RNF14: variants seen among roughly 807,000 people sequenced by gnomAD.
RNF14 encodes the protein ring finger protein 14.
A neutral mutation model predicts 52.6 loss-of-function variants in RNF14; 26 were observed. The observed-to-expected ratio is 0.49, with a 90% CI of 0.36 to 0.69. The LOEUF is 0.69. RNF14 is among the 30% of genes least tolerant of loss of function. The pLI is 0.00. For missense variants in RNF14, 404 were observed against 560.4 expected, an observed-to-expected ratio of 0.72 and a Z score of 2.82; for synonymous variants, 194 against 202.0, an observed-to-expected ratio of 0.96 and a Z score of 0.34.
At chr5:141,955,131 A>C (rs1422617924), upstream of RNF14, 3 of 1,614,200 alleles carry the variant, frequency 1.9e-6, no homozygotes, top group Non-Finnish European at 2.5e-6. This position sits in a 1 kb window ranked among gnomAD's most constrained non-coding sequence, Gnocchi z 5.5. Context: ...TCAGGGTTGC[A>C]GAGGAGGCTG....
chr5:141,968,315 C>G (rs1262312794), upstream of RNF14, among the ~76,000 whole-genome samples: 1 of 152,148 alleles, frequency 6.6e-6, no homozygotes, highest in Non-Finnish European at 1.5e-5. Context: ...CCATGTTGGT[C>G]AGGCTGGTCT....
chr5:141,950,739 C>CGA, the RNF14 span, among the ~76,000 whole-genome samples: 1 of 152,312 alleles, frequency 6.6e-6, no homozygotes, highest in African/African-American at 2.4e-5. Flanking sequence ...GTCAGGAACT[C>CGA]TGAGAGCTGG....
At chr5:141,949,724 T>A in the RNF14 span, 1 of 876,962 alleles carries the variant, frequency 1.1e-6, no homozygotes, top group Non-Finnish European at 1.7e-6. Flanking sequence ...CCAACCTGGA[T>A]CATGTGATTC....
At chr5:141,966,174 A>C (rs1038685091), upstream of RNF14, among the ~76,000 whole-genome samples, 1 of 152,012 alleles carries the variant, frequency 6.6e-6, no homozygotes. Context: ...CCAGCTACTC[A>C]GGAGGCTGAG....
At chr5:141,972,039 T>C (rs966771995) in intron 2 of RNF14, among the ~76,000 whole-genome samples, 1 of 152,204 alleles carries the variant, frequency 6.6e-6, no homozygotes, top group African/African-American at 2.4e-5. Flanking sequence ...TAATGGTGAA[T>C]CTTTAAATTG....
upstream of RNF14, chr5:141,957,571 C>T (rs749737523): frequency 1.5e-5 from 24 of 1,614,084 alleles, no homozygotes; most frequent in South Asian, 2.2e-5. This position sits in a 1 kb window ranked among gnomAD's most constrained non-coding sequence, Gnocchi z 4.3. Context: ...CAGCTGCTCT[C>T]GATCCAGCCG....
chr5:141,959,437 C>T (rs1006685815), intron 1 of RNF14, among the ~76,000 whole-genome samples: 6 of 152,192 alleles, frequency 3.9e-5, no homozygotes, highest in African/African-American at 1.4e-4. Flanking sequence ...CTTCAGTTTG[C>T]TGCCCCCAAC....
chr5:141,978,541 T>C lies in RNF14; in HGVS notation c.545T>C (p.Ile182Thr). 1 of 1,614,108 alleles carries C rather than the reference T, an allele frequency of 6.2e-7. No individual in the cohort carries two copies. Among genetic ancestry groups the C allele is most frequent in the Non-Finnish European group, 8.5e-7 (1 of 1,180,014 alleles). Residue 182 changes from isoleucine to threonine, a missense_variant, in exon 5 of 9, where the codon ATT becomes ACT. Coordinates refer to ENST00000394520, the MANE Select transcript of RNF14 (RefSeq NM_004290.5). ...GGATCTGATGTAGACCAAGAGGAAA[T>C]TGTGGATGAGAGAGCAGTGCAGGAT... ...AAGSDVDQEEIVDERAVQDVE... is the reference protein window; with the variant it reads ...AAGSDVDQEETVDERAVQDVE...
chr5:141,978,363 C>T lies in RNF14; in HGVS notation c.367C>T (p.Leu123=), dbSNP rs1298194723. Residue 123 remains leucine, a synonymous_variant, in exon 5 of 9, where the codon CTG becomes TTG. Transcript: ENST00000394520. ...LWEEHRGSVV[L]FAWMQFLKEE... The stretch of plus-strand genomic sequence containing the variant: ...GGAAGAACACCGTGGCAGCGTGGTC[C>T]TGTTTGCCTGGATGCAATTTCTTAA... 1.6e-5 allele frequency: 26 copies of T among 1,613,888 alleles called. No individual in the cohort carries two copies. The highest frequency in any genetic ancestry group is 1.6e-4 in the Middle Eastern group (1 of 6,084).
chr5:141,955,289 G>C (rs1048025807), upstream of RNF14: 1 of 1,614,212 alleles, frequency 6.2e-7, no homozygotes, highest in African/African-American at 1.3e-5. The surrounding 1 kb of genome is among the most constrained non-coding windows in gnomAD (Gnocchi z 5.5). Flanking sequence ...GCATTCCTCT[G>C]CCTGGGATGG....
chr5:141,965,406 C>T (rs1211421722), upstream of RNF14, among the ~76,000 whole-genome samples: 1 of 152,208 alleles, frequency 6.6e-6, no homozygotes, highest in Non-Finnish European at 1.5e-5. Flanking sequence ...TAGGCTCCGT[C>T]ATCATCCGGT....
At chr5:141,956,569 A>C, upstream of RNF14, 1 of 1,614,160 alleles carries the variant, frequency 6.2e-7, no homozygotes, top group Non-Finnish European at 8.5e-7. Context: ...TAACAGAGTG[A>C]GGGTATATTT....
chr5:141,955,964 C>T, upstream of RNF14: 6 of 1,614,122 alleles, frequency 3.7e-6, no homozygotes, highest in Non-Finnish European at 5.1e-6. The surrounding 1 kb of genome is among the most constrained non-coding windows in gnomAD (Gnocchi z 5.5). Flanking sequence ...TCTCCATTTG[C>T]CCCCGAGTCT....
At chr5:141,955,866 A>T (rs769557227), upstream of RNF14, 1 of 1,614,000 alleles carries the variant, frequency 6.2e-7, no homozygotes, top group Non-Finnish European at 8.5e-7. The surrounding 1 kb of genome is among the most constrained non-coding windows in gnomAD (Gnocchi z 5.5). Flanking sequence ...GGCTGCTGGC[A>T]TTGGTGACAT....
At chr5:141,964,309 T>C (rs764320870), upstream of RNF14, among the ~76,000 whole-genome samples, 1 of 152,180 alleles carries the variant, frequency 6.6e-6, no homozygotes, top group Non-Finnish European at 1.5e-5. Context: ...GGTCTAAGCA[T>C]AGCAATGGGG....
chr5:141,968,232 A>C (rs1217824486), upstream of RNF14, among the ~76,000 whole-genome samples: 1 of 149,764 alleles, frequency 6.7e-6, no homozygotes, highest in Admixed American at 6.7e-5. Flanking sequence ...CAGCCTCCCT[A>C]GTAGCTGGGA....
At chr5:141,986,481 T>C (rs1355883190) in intron 8 of RNF14, among the ~76,000 whole-genome samples, 2 of 152,170 alleles carry the variant, frequency 1.3e-5, no homozygotes, top group Non-Finnish European at 2.9e-5. Flanking sequence ...CTTGAAAGGG[T>C]TCAGTTTAAA....
intron 5 of RNF14, among the ~76,000 whole-genome samples, chr5:141,979,476 T>C (rs1328627938): frequency 6.6e-6 from 1 of 152,190 alleles, no homozygotes; most frequent in African/African-American, 2.4e-5. Context: ...GGTCTTGAAC[T>C]CCTGACCTCA....
intron 3 of RNF14, 36 bp downstream of exon 3, chr5:141,973,778 ATTC>A (rs1561546837): frequency 6.5e-7 from 1 of 1,532,764 alleles, no homozygotes; most frequent in African/African-American, 1.4e-5. Flanking sequence ...TTTTTCTATT[ATTC>A]TTTATTTCTT....
Sources: gnomAD v4.1 joint callset for allele counts (sites outside exome capture counted in the v4.1 genomes callset) on GRCh38, gnomAD v4.1.1 for gene constraint, Gnocchi (gnomAD v3.1) non-coding constraint, MANE v1.5 for transcripts, NCBI Gene and HGNC (gene_info 2026-07-23, HGNC 2026-07-21) for gene names.